Variants in PCDH15 observed in about 807,000 individuals in gnomAD.
PCDH15 encodes the protein protocadherin-15.
PCDH15 carries 129 observed loss-of-function variants against 178.5 expected under a neutral mutation model. The observed-to-expected ratio is 0.72, with a 90% CI of 0.63 to 0.84. The LOEUF is 0.84. Among genes scored for constraint, PCDH15 ranks in the 40% least tolerant of loss-of-function variants. PCDH15 has a pLI of 0.00. For missense variants in PCDH15, 2,230 were observed against 2,099.9 expected (o/e 1.06, Z -1.21); for synonymous variants, 800 against 732.0 (o/e 1.09, Z -1.50).
intron 15 of PCDH15, among the ~76,000 whole-genome samples, chr10:54,095,131 T>G (rs998823849): frequency 4.6e-5 from 7 of 152,142 alleles, no homozygotes; most frequent in Non-Finnish European, 8.8e-5. Flanking sequence ...TCAATGGATT[T>G]GGATGATTTT....
chr10:54,257,312 A>G (rs1461339577), intron 8 of PCDH15, among the ~76,000 whole-genome samples: 1 of 152,108 alleles, frequency 6.6e-6, no homozygotes, highest in East Asian at 1.9e-4. Context: ...TACAGATATC[A>G]CTTCACATTT....
intron 3 of PCDH15, among the ~76,000 whole-genome samples, chr10:54,498,920 A>G (rs1047053237): frequency 3.9e-5 from 6 of 152,110 alleles, no homozygotes; most frequent in African/African-American, 1.4e-4. Flanking sequence ...TCACATGGCC[A>G]GAGGAGGAGA....
chr10:54,809,182 A>C (rs927624863), intron 3 of PCDH15, among the ~76,000 whole-genome samples: 3 of 152,104 alleles, frequency 2.0e-5, no homozygotes, highest in African/African-American at 7.2e-5. Context: ...TTGGATTCTA[A>C]AATTGCCATT....
At chr10:54,623,525 G>T (rs1466882332) in intron 2 of PCDH15, among the ~76,000 whole-genome samples, 1 of 151,962 alleles carries the variant, frequency 6.6e-6, no homozygotes, top group Non-Finnish European at 1.5e-5. Flanking sequence ...TCTAACATTG[G>T]TACTGATTGT....
chr10:54,028,628 G>T (rs2093193254), intron 18 of PCDH15, among the ~76,000 whole-genome samples: 5 of 147,846 alleles, frequency 3.4e-5, no homozygotes, highest in Non-Finnish European at 4.5e-5. Context: ...ATGAGTTCAT[G>T]TCCTTTGTAG....
chr10:55,180,478 T>G (rs1048676411), intron 1 of PCDH15, among the ~76,000 whole-genome samples: 1 of 152,156 alleles, frequency 6.6e-6, no homozygotes, highest in Non-Finnish European at 1.5e-5. Context: ...AAGAAGCTAT[T>G]GTATTAATTC....
At chr10:54,518,005 C>G (rs1364327225) in intron 3 of PCDH15, among the ~76,000 whole-genome samples, 1 of 152,022 alleles carries the variant, frequency 6.6e-6, no homozygotes, top group Non-Finnish European at 1.5e-5. Flanking sequence ...GATGTTCTTT[C>G]AAAACAACGA....
intron 8 of PCDH15, among the ~76,000 whole-genome samples, chr10:54,245,457 A>ACAC: frequency 6.6e-6 from 1 of 152,162 alleles, no homozygotes; most frequent in Non-Finnish European, 1.5e-5. Context: ...TATTGACTTT[A>ACAC]CCAAATAAAG....
intron 2 of PCDH15, among the ~76,000 whole-genome samples, chr10:55,582,542 T>C (rs1842634385): frequency 6.8e-6 from 1 of 147,094 alleles, no homozygotes. Flanking sequence ...AATATCTCCC[T>C]AAAAAAATAG....
intron 1 of PCDH15, among the ~76,000 whole-genome samples, chr10:55,226,631 C>T (rs544913097): frequency 6.6e-6 from 1 of 152,158 alleles, no homozygotes; most frequent in East Asian, 1.9e-4. Context: ...ATCCGCCCGC[C>T]TCGGCCTCCC....
chr10:55,068,483 T>C (rs1221810842), intron 2 of PCDH15, among the ~76,000 whole-genome samples: 1 of 152,154 alleles, frequency 6.6e-6, no homozygotes, highest in Non-Finnish European at 1.5e-5. Flanking sequence ...CCATGCTCTT[T>C]TGTTCACCAT....
intron 9 of PCDH15, among the ~76,000 whole-genome samples, chr10:54,216,989 G>T (rs2052150456): frequency 6.6e-6 from 1 of 151,948 alleles, no homozygotes. Flanking sequence ...GGAAACAAGG[G>T]CCTATAATAT....
chr10:54,948,456 C>A (rs1838246366), intron 2 of PCDH15, among the ~76,000 whole-genome samples: 1 of 151,854 alleles, frequency 6.6e-6, no homozygotes, highest in African/African-American at 2.4e-5. Context: ...TAAGGAATAT[C>A]CAGGACAGCT....
chr10:55,293,139 C>G (rs1843049023), intron 1 of PCDH15, among the ~76,000 whole-genome samples: 1 of 152,178 alleles, frequency 6.6e-6, no homozygotes, highest in Non-Finnish European at 1.5e-5. Flanking sequence ...CACCCACTGG[C>G]TCCATACCAC....
intron 2 of PCDH15, among the ~76,000 whole-genome samples, chr10:55,159,864 T>C (rs2132112045): frequency 6.6e-6 from 1 of 150,550 alleles, no homozygotes; most frequent in Middle Eastern, 3.5e-3. Flanking sequence ...GGTTTTTTTT[T>C]CCTCTCTCAA....
intron 2 of PCDH15, among the ~76,000 whole-genome samples, chr10:54,977,657 T>C (rs1349574264): frequency 2.0e-5 from 3 of 152,216 alleles, no homozygotes; most frequent in Admixed American, 6.5e-5. Flanking sequence ...TTTCTGCCTA[T>C]GAAATAGTCA....
At chr10:54,324,572 C>G (rs973182790) in intron 7 of PCDH15, among the ~76,000 whole-genome samples, 7 of 151,962 alleles carry the variant, frequency 4.6e-5, no homozygotes, top group South Asian at 2.1e-4. Flanking sequence ...TTCAGACCAG[C>G]CTGTCCAGCA....
chr10:54,602,290 T>C (rs2134100289), intron 2 of PCDH15, among the ~76,000 whole-genome samples: 1 of 152,116 alleles, frequency 6.6e-6, no homozygotes, highest in Non-Finnish European at 1.5e-5. Context: ...TAAAATTTCC[T>C]TTCAGATAAT....
In PCDH15 at chr10:55,033,159, G is replaced by A. The variant is rs191563833; in HGVS notation, c.-80+133417C>T. ...CTAGGCAGAGAATTTTGTCACGGGC[G>A]GGAGCACCAAAGAGAGTCCTCAAAG... On this transcript the variant is annotated intron_variant, in intron 2 of 5. Coordinates refer to the PCDH15 transcript ENST00000458638. Among the ~76,000 whole-genome samples the A allele has an allele frequency of 3.7e-4, 57 of 152,248 alleles. No homozygotes were observed. In the East Asian group the frequency reaches 0.01, roughly 28 times the overall value.
Sources: gnomAD v4.1 joint callset for allele counts (sites outside exome capture counted in the v4.1 genomes callset) on GRCh38, gnomAD v4.1.1 for gene constraint, MANE v1.5 for transcripts, NCBI Gene and HGNC (gene_info 2026-07-23, HGNC 2026-07-21) for gene names.